Variants in NKAIN3 observed in about 807,000 individuals in gnomAD.
NKAIN3 encodes the protein sodium/potassium transporting ATPase interacting 3.
In NKAIN3, 25 loss-of-function variants were observed where a neutral mutation model predicts 30.2. That is an observed-to-expected ratio of 0.83 (90% CI 0.60 to 1.16). The LOEUF is 1.16. NKAIN3 is among the 50% of genes most tolerant of loss of function. The pLI is 0.00. For missense variants in NKAIN3, 225 were observed against 254.1 expected (o/e 0.89, Z 0.78); for synonymous variants, 91 against 89.6 (o/e 1.02, Z -0.09).
intron 1 of NKAIN3, among the ~76,000 whole-genome samples, chr8:62,517,157 G>A (rs182744303): frequency 1.3e-5 from 2 of 152,150 alleles, no homozygotes; most frequent in East Asian, 1.9e-4. Flanking sequence ...GCAGAGGTTG[G>A]TGGTGACTTT....
intron 1 of NKAIN3, among the ~76,000 whole-genome samples, chr8:62,564,190 C>T (rs1349060544): frequency 1.3e-5 from 2 of 152,168 alleles, no homozygotes; most frequent in South Asian, 4.1e-4. Flanking sequence ...CTTCACTTCA[C>T]ACAAATGATT....
intron 1 of NKAIN3, among the ~76,000 whole-genome samples, chr8:62,365,980 G>A (rs1376064308): frequency 4.6e-5 from 7 of 152,040 alleles, no homozygotes; most frequent in African/African-American, 7.2e-5. Context: ...ATTGGTATTC[G>A]TTCATCTTTA....
At chr8:62,353,527 G>A (rs1279605144) in intron 1 of NKAIN3, among the ~76,000 whole-genome samples, 1 of 151,932 alleles carries the variant, frequency 6.6e-6, no homozygotes, top group East Asian at 1.9e-4. Flanking sequence ...ATGTATGAAT[G>A]GTATATTATC....
At chr8:62,811,988 T>A (rs1388646272) in intron 4 of NKAIN3, among the ~76,000 whole-genome samples, 2 of 152,014 alleles carry the variant, frequency 1.3e-5, no homozygotes, top group Non-Finnish European at 2.9e-5. Context: ...ATTTTACATT[T>A]AAGTCCATGA....
intron 4 of NKAIN3, among the ~76,000 whole-genome samples, chr8:62,877,093 ATTG>A (rs1400828546): frequency 1.3e-5 from 2 of 152,058 alleles, no homozygotes; most frequent in Non-Finnish European, 2.9e-5. Flanking sequence ...TCCTTTATTC[ATTG>A]TTGTAGTGCA....
chr8:62,778,609 G>A (rs761880652), intron 4 of NKAIN3, among the ~76,000 whole-genome samples: 2 of 152,182 alleles, frequency 1.3e-5, no homozygotes, highest in South Asian at 4.1e-4. Context: ...CAGGGAAGTG[G>A]GCTCTCCTCT....
At chr8:62,513,424 A>G (rs957155797) in intron 1 of NKAIN3, among the ~76,000 whole-genome samples, 3 of 152,128 alleles carry the variant, frequency 2.0e-5, no homozygotes, top group African/African-American at 7.2e-5. Context: ...TATAAGCACA[A>G]TGAATGAGTG....
At chr8:62,855,456 T>A in intron 4 of NKAIN3, 1 of 1,261,856 alleles carries the variant, frequency 7.9e-7, no homozygotes. Context: ...TTGGGTCTTT[T>A]GCTTCCAAAA....
chr8:62,584,195 G>A (rs1810401344), intron 2 of NKAIN3, among the ~76,000 whole-genome samples: 1 of 152,130 alleles, frequency 6.6e-6, no homozygotes, highest in African/African-American at 2.4e-5. Flanking sequence ...TCTATTTTTA[G>A]TATTGTCTTC....
chr8:62,282,095 G>T (rs1327642561), intron 1 of NKAIN3, among the ~76,000 whole-genome samples: 2 of 151,422 alleles, frequency 1.3e-5, no homozygotes, highest in East Asian at 3.9e-4. Flanking sequence ...TTTTTGTTCC[G>T]GGGGGCTTTG....
intron 1 of NKAIN3, among the ~76,000 whole-genome samples, chr8:62,456,440 A>G (rs531430181): frequency 2.0e-3 from 311 of 152,124 alleles, no homozygotes; most frequent in African/African-American, 6.9e-3. Flanking sequence ...AATGGCGTGA[A>G]CCTGTGAGGC....
At chr8:62,377,658 T>TCA (rs1364010993) in intron 1 of NKAIN3, among the ~76,000 whole-genome samples, 71 of 152,052 alleles carry the variant, frequency 4.7e-4, no homozygotes, top group African/African-American at 1.7e-3. Flanking sequence ...TGGGGGTGGT[T>TCA]CCCCCCATGC....
At chr8:62,548,643 A>T (rs117451123) in intron 1 of NKAIN3, among the ~76,000 whole-genome samples, 65 of 144,232 alleles carry the variant, frequency 4.5e-4, no homozygotes, top group Non-Finnish European at 8.7e-4. Flanking sequence ...AAATGTCAGA[A>T]AATAAAAATT....
At chr8:62,355,704 A>G (rs373216264) in intron 1 of NKAIN3, among the ~76,000 whole-genome samples, 2 of 152,176 alleles carry the variant, frequency 1.3e-5, no homozygotes, top group East Asian at 3.9e-4. Context: ...ATGTTAGTGA[A>G]ATTGCTCTTT....
intron 3 of NKAIN3, among the ~76,000 whole-genome samples, chr8:62,670,879 G>GCACACACACACACA (rs57917158): frequency 7.0e-5 from 10 of 142,088 alleles, no homozygotes; most frequent in African/African-American, 2.1e-4. Context: ...ACACATACAA[G>GCACACACACACACA]CACACACACA....
At chr8:62,366,340 C>T (rs969964530) in intron 1 of NKAIN3, among the ~76,000 whole-genome samples, 10 of 151,704 alleles carry the variant, frequency 6.6e-5, no homozygotes, top group Non-Finnish European at 1.3e-4. Flanking sequence ...AATTCTCATG[C>T]CTCAGCATCC....
At chr8:62,504,353 T>C (rs1385963817) in intron 1 of NKAIN3, among the ~76,000 whole-genome samples, 1 of 152,174 alleles carries the variant, frequency 6.6e-6, no homozygotes, top group Non-Finnish European at 1.5e-5. Flanking sequence ...ACCTAGCAAA[T>C]TGCTGTCCCT....
intron 3 of NKAIN3, among the ~76,000 whole-genome samples, chr8:62,625,814 C>T (rs118140287): frequency 4.2e-4 from 64 of 152,082 alleles, no homozygotes; most frequent in Non-Finnish European, 7.7e-4. Context: ...TGAGCCATGA[C>T]CACTGTTTTC....
chr8:62,998,200 G>GTAAC, intron 5 of NKAIN3, among the ~76,000 whole-genome samples: 1 of 152,162 alleles, frequency 6.6e-6, no homozygotes, highest in South Asian at 2.1e-4. Context: ...TTAGTCAGAG[G>GTAAC]GTTAAGTTGT....
Sources: gnomAD v4.1 joint callset for allele counts (sites outside exome capture counted in the v4.1 genomes callset) on GRCh38, gnomAD v4.1.1 for gene constraint, MANE v1.5 for transcripts, NCBI Gene and HGNC (gene_info 2026-07-23, HGNC 2026-07-21) for gene names.